ZNF804B: variants seen among roughly 807,000 people sequenced by gnomAD.
The protein encoded by ZNF804B is zinc finger protein 804B.
A neutral mutation model predicts 101.4 loss-of-function variants in ZNF804B; 80 were observed. The ratio of observed to expected loss-of-function variants is 0.79; its 90% CI spans 0.66 to 0.95. The LOEUF (loss-of-function observed/expected upper bound fraction) is 0.95. ZNF804B is among the 40% of genes least tolerant of loss of function. ZNF804B has a pLI of 0.00. For missense variants in ZNF804B, 1,673 were observed against 1,561.9 expected, an observed-to-expected ratio of 1.07 and a Z score of -1.20; for synonymous variants, 622 against 558.8, an observed-to-expected ratio of 1.11 and a Z score of -1.59.
chr7:89,270,554 T>C (rs1789877002), intron 2 of ZNF804B, among the ~76,000 whole-genome samples: 1 of 152,188 alleles, frequency 6.6e-6, no homozygotes, highest in African/African-American at 2.4e-5. Flanking sequence ...TGAGGGCTCC[T>C]TTTTGGTTCC....
At position 88,928,150 on chromosome 7, in the gene ZNF804B, C is replaced by T. The variant is rs560787420; in HGVS notation, c.108+168066C>T. ...TGTAGAATACTGTTAGCCTTTGGTA[C>T]GGTCCTTTAGATTTACAGAATCAGT... On this transcript the variant is annotated intron_variant, in intron 1 of 3. Coordinates refer to ENST00000333190, the MANE Select transcript of ZNF804B (RefSeq NM_181646.5). Among the ~76,000 whole-genome samples the T allele has an allele frequency of 1.1e-4, 16 of 152,210 alleles. No homozygotes were observed. In the South Asian group the frequency reaches 2.5e-3, roughly 24 times the overall value.
intron 1 of ZNF804B, among the ~76,000 whole-genome samples, chr7:88,941,667 A>G (rs1793056465): frequency 2.0e-5 from 3 of 152,004 alleles, no homozygotes; most frequent in Admixed American, 6.6e-5. Flanking sequence ...TCTATTTTGT[A>G]TAATATATAA....
chr7:89,255,477 A>T (rs1297226369), intron 2 of ZNF804B, among the ~76,000 whole-genome samples: 1 of 152,194 alleles, frequency 6.6e-6, no homozygotes, highest in Non-Finnish European at 1.5e-5. Context: ...TGCAAATTGG[A>T]TTTACAGCCC....
intron 1 of ZNF804B, among the ~76,000 whole-genome samples, chr7:88,771,443 C>A (rs891096785): frequency 1.3e-5 from 2 of 151,940 alleles, no homozygotes; most frequent in African/African-American, 2.4e-5. Flanking sequence ...AGTATAGGCC[C>A]TGGAAGTTTT....
rs1791131668 is a variant in ZNF804B at position 89,338,127 on chromosome 7, A to G, written c.*1095A>G. On this transcript the variant is annotated 3_prime_UTR_variant, in exon 4 of 4. Transcript: ENST00000333190. ...GCCAAAATTTGCATTTCATACATCT[A>G]TATTGGTGCATAATCCTACAGTTAG... Among the ~76,000 whole-genome samples, 1 of 152,126 alleles carries G rather than the reference A, an allele frequency of 6.6e-6. No individual in the cohort carries two copies. Among genetic ancestry groups the G allele is most frequent in the Admixed American group, 6.6e-5 (1 of 15,262 alleles).
intron 1 of ZNF804B, among the ~76,000 whole-genome samples, chr7:89,058,808 C>T (rs953966481): frequency 2.0e-5 from 3 of 152,168 alleles, no homozygotes; most frequent in Admixed American, 6.5e-5. Context: ...ATCCTCCCAC[C>T]TCAGCCTCCA....
intron 1 of ZNF804B, among the ~76,000 whole-genome samples, chr7:88,870,214 G>A (rs1021822213): frequency 5.3e-5 from 8 of 150,394 alleles, no homozygotes; most frequent in African/African-American, 9.8e-5. Flanking sequence ...GTGAAACCCC[G>A]TCTCTACTAA....
intron 2 of ZNF804B, among the ~76,000 whole-genome samples, chr7:89,303,057 G>A (rs2115925984): frequency 6.6e-6 from 1 of 152,014 alleles, no homozygotes; most frequent in South Asian, 2.1e-4. Flanking sequence ...AAACCAAAGT[G>A]TAGTAAGTAT....
chr7:89,335,160 T>A lies in ZNF804B; in HGVS notation c.2178T>A (p.Cys726Ter). ...GCATGTCTAGCTTGAGAAGTACTTG[T>A]TCAAGTCATAGATTCAATGGTAATA... ...PSSMSSLRST[C>*]SSHRFNGNSR... The change falls in exon 4 of 4, where the codon TGT becomes TGA. Residue 726 changes from cysteine to a stop codon, truncating the protein, a stop_gained. Coordinates refer to ENST00000333190, the MANE Select transcript of ZNF804B (RefSeq NM_181646.5). LOFTEE classifies it high-confidence loss of function. 1.2e-6 allele frequency: 2 copies of A among 1,613,858 alleles called. No individual in the cohort carries two copies. Among genetic ancestry groups the A allele is most frequent in the Non-Finnish European group, 1.7e-6 (2 of 1,179,900 alleles).
intron 1 of ZNF804B, among the ~76,000 whole-genome samples, chr7:88,854,406 T>TCTTCCTTC (rs1554340131): frequency 1.1e-4 from 14 of 126,734 alleles, no homozygotes; most frequent in African/African-American, 3.8e-4. Context: ...TTTCTTTCTT[T>TCTTCCTTC]CTTTCTTCCT....
At chr7:88,970,244 G>C (rs955273891) in intron 1 of ZNF804B, among the ~76,000 whole-genome samples, 1 of 151,364 alleles carries the variant, frequency 6.6e-6, no homozygotes. Context: ...GGATGTGCAG[G>C]CTTGTTACAT....
chr7:89,215,186 A>T (rs1408558695), intron 1 of ZNF804B, among the ~76,000 whole-genome samples: 1 of 152,200 alleles, frequency 6.6e-6, no homozygotes, highest in South Asian at 2.1e-4. Context: ...TGGCAAGAAT[A>T]ATGAAGCAAG....
intron 1 of ZNF804B, among the ~76,000 whole-genome samples, chr7:89,190,861 CAATAA>C (rs1788445975): frequency 6.6e-6 from 1 of 152,020 alleles, no homozygotes; most frequent in African/African-American, 2.4e-5. Flanking sequence ...CATTTTTTAG[CAATAA>C]AATATTTTAA....
At chr7:89,205,724 T>C (rs574573876) in intron 1 of ZNF804B, among the ~76,000 whole-genome samples, 45 of 152,234 alleles carry the variant, frequency 3.0e-4, no homozygotes, top group African/African-American at 1.1e-3. Context: ...GGGCAGACAT[T>C]GAGTGTCTGC....
chr7:89,263,603 A>G lies in ZNF804B; in HGVS notation c.249+45308A>G, dbSNP rs571602888. Among the ~76,000 whole-genome samples, 12 of 150,476 alleles carry G rather than the reference A, an allele frequency of 8.0e-5. No individual in the cohort carries two copies. In the East Asian group the frequency reaches 2.3e-3, roughly 29 times the overall value. ...TGTGAATGTGACCTTTTTTTTTTTTAAGGTGACTTATGCAGGTGTCATTAA... is the reference window on the plus strand; with the variant it reads ...TGTGAATGTGACCTTTTTTTTTTTTGAGGTGACTTATGCAGGTGTCATTAA... On this transcript the variant is annotated intron_variant, in intron 2 of 3. Transcript: ENST00000333190.
intron 1 of ZNF804B, among the ~76,000 whole-genome samples, chr7:88,956,186 A>G (rs1356492891): frequency 6.6e-6 from 1 of 151,586 alleles, no homozygotes; most frequent in East Asian, 2.0e-4. Flanking sequence ...AGGTTTCTCA[A>G]AAAACTAAAA....
chr7:88,838,959 G>A (rs1791257384), intron 1 of ZNF804B, among the ~76,000 whole-genome samples: 1 of 151,972 alleles, frequency 6.6e-6, no homozygotes, highest in African/African-American at 2.4e-5. Context: ...ACCCTTTGAT[G>A]TATAATTTCA....
chr7:89,190,821 T>G (rs1202505398), intron 1 of ZNF804B, among the ~76,000 whole-genome samples: 1 of 152,120 alleles, frequency 6.6e-6, no homozygotes, highest in Non-Finnish European at 1.5e-5. Context: ...AAAAAGATTT[T>G]TACTCGCTGA....
chr7:89,271,278 G>C (rs537811752), intron 2 of ZNF804B, among the ~76,000 whole-genome samples: 4 of 152,094 alleles, frequency 2.6e-5, no homozygotes, highest in Admixed American at 6.6e-5. Context: ...TAGCATGAAG[G>C]GCTGTTGAAT....
Sources: allele counts gnomAD v4.1 joint callset (sites outside exome capture counted in the v4.1 genomes callset), GRCh38; gene constraint gnomAD v4.1.1; transcripts MANE v1.5; gene names NCBI Gene and HGNC (gene_info 2026-07-23, HGNC 2026-07-21).